The following CDK17 variants were observed in gnomAD, a reference collection of about 807,000 sequenced individuals.
The protein encoded by CDK17 is cyclin dependent kinase 17, also known as cyclin-dependent kinase 17.
Under a neutral mutation model 77.6 loss-of-function variants are expected in CDK17, and 24 were observed. That is an observed-to-expected ratio of 0.31 (90% CI 0.22 to 0.44). CDK17 has a LOEUF of 0.44. Ranked by LOEUF, CDK17 falls within the 20% of genes least tolerant of loss-of-function variation. CDK17 has a pLI of 1.00. For synonymous variants in CDK17, 203 were observed against 210.4 expected, an observed-to-expected ratio of 0.96 and a Z score of 0.30; for missense variants, 429 against 622.5, an observed-to-expected ratio of 0.69 and a Z score of 3.31.
At chr12:96,370,261 G>T (rs749024779) in intron 1 of CDK17, among the ~76,000 whole-genome samples, 1 of 152,138 alleles carries the variant, frequency 6.6e-6, no homozygotes, top group African/African-American at 2.4e-5. Flanking sequence ...GGTTCACACC[G>T]AAGTCTTATG....
At chr12:96,365,702 C>T (rs1953573543) in intron 1 of CDK17, among the ~76,000 whole-genome samples, 1 of 152,108 alleles carries the variant, frequency 6.6e-6, no homozygotes. Flanking sequence ...AAATTATTTC[C>T]TAATGAGGTC....
intron 1 of CDK17, among the ~76,000 whole-genome samples, chr12:96,380,872 A>G (rs924165367): frequency 2.6e-5 from 4 of 152,226 alleles, no homozygotes; most frequent in African/African-American, 9.6e-5. Context: ...CTGGTAGAGA[A>G]TAACATTTTT....
At chr12:96,301,874 G>A (rs1360942888) in intron 5 of CDK17, among the ~76,000 whole-genome samples, 1 of 152,012 alleles carries the variant, frequency 6.6e-6, no homozygotes, top group Admixed American at 6.5e-5. Context: ...AGTAGCAGAG[G>A]CCCCTCAAAA....
chr12:96,317,828 C>T (rs879903537), intron 3 of CDK17, among the ~76,000 whole-genome samples: 176 of 150,102 alleles, frequency 1.2e-3, no homozygotes, highest in Non-Finnish European at 2.2e-3. Context: ...CAACTGGTAC[C>T]AGCCGCTGCA....
intron 1 of CDK17, among the ~76,000 whole-genome samples, chr12:96,360,146 T>C (rs1167274237): frequency 6.6e-6 from 1 of 152,164 alleles, no homozygotes; most frequent in Non-Finnish European, 1.5e-5. Flanking sequence ...GAGGAAAGCA[T>C]ACTGCAATCA....
intron 15 of CDK17, 51 bp downstream of exon 15, chr12:96,282,458 C>T (rs1952189898): frequency 2.4e-6 from 3 of 1,249,636 alleles, no homozygotes; most frequent in Non-Finnish European, 3.5e-6. Flanking sequence ...CAGACCCTAA[C>T]CTTGGACAAA....
chr12:96,311,174 A>C lies in CDK17; in HGVS notation c.421T>G (p.Leu141Val). 1 of 1,529,712 alleles carries C rather than the reference A, an allele frequency of 6.5e-7. No homozygotes were observed. Among genetic ancestry groups the C allele is most frequent in the Non-Finnish European group, 8.7e-7 (1 of 1,151,588 alleles). The allele number at this position is 1,529,712 out of a possible 1,614,324, so 94.8% of individuals were successfully genotyped here. ...GCAGGCAGTGATAACCGCTTATTTAAATCCTTAAAAAAAAAAAAAGGTAAT... is the reference window on the plus strand; with the variant it reads ...GCAGGCAGTGATAACCGCTTATTTACATCCTTAAAAAAAAAAAAAGGTAAT... ...RIHRRISMED[L>V]NKRLSLPADI... Residue 141 changes from leucine to valine, a missense_variant, in exon 5 of 17, where the codon TTA becomes GTA. This residue lies in a region of CDK17 where 262 missense variants were observed against 385.4 expected (regional missense o/e 0.68). Transcript: ENST00000261211.
chr12:96,350,865 T>C (rs1288247023), intron 1 of CDK17, among the ~76,000 whole-genome samples: 1 of 151,884 alleles, frequency 6.6e-6, no homozygotes, highest in Admixed American at 6.6e-5. Flanking sequence ...AAAACAGACA[T>C]ATTGGACTTT....
chr12:96,280,695 C>A, intron 16 of CDK17, 113 bp downstream of exon 16: 1 of 1,503,076 alleles, frequency 6.7e-7, no homozygotes, highest in Admixed American at 2.2e-5. Flanking sequence ...TTGTGGAATG[C>A]ACTGTACATT....
In CDK17 at chr12:96,334,802, A is replaced by T; in HGVS notation, c.35T>A (p.Leu12His). Reference sequence around the variant, plus strand: ...TTCATCAATAGTCTGACTTCCTCGGAGTGTGAGGGATAGCCTTCTCTTAAA... The same window carrying T: ...TTCATCAATAGTCTGACTTCCTCGGTGTGTGAGGGATAGCCTTCTCTTAAA... ...KKFKRRLSLTLRGSQTIDESL... is the reference protein window; with the variant it reads ...KKFKRRLSLTHRGSQTIDESL... Residue 12 changes from leucine to histidine, a missense_variant, in exon 2 of 17, where the codon CTC becomes CAC. By Grantham distance (99) the Leu-to-His change is moderately conservative (BLOSUM62 -3). Around this residue, in one of 4 missense-constraint regions of CDK17, gnomAD observed 262 missense variants for 385.4 expected, o/e 0.68. Coordinates refer to ENST00000261211, the MANE Select transcript of CDK17 (RefSeq NM_002595.5). The T allele has an allele frequency of 6.2e-7, 1 of 1,608,990 alleles. No homozygotes were observed. The highest frequency in any genetic ancestry group is 1.3e-5 in the African/African-American group (1 of 74,926).
In CDK17 at chr12:96,316,615, G is replaced by A. The variant is rs111557868; in HGVS notation, c.284-3161C>T. Among the ~76,000 whole-genome samples the A allele has an allele frequency of 3.2e-4, 43 of 136,150 alleles. 1 individual carries two copies. Among genetic ancestry groups the A allele is most frequent in the Non-Finnish European group, 5.1e-4 (32 of 62,650 alleles). 89.3% of individuals were successfully genotyped at this position (136,150 alleles called of 152,430 possible). A position where few individuals can be genotyped will look rare whatever the true frequency, so the allele number is the denominator to read the frequency against. On this transcript the variant is annotated intron_variant, in intron 3 of 16. Transcript: ENST00000261211. ...AGCACGCAGCTGGAGATCTGAGAAC[G>A]GGCAGACTGCCTCCTCAAGTGGGTC...
chr12:96,322,173 T>A (rs1443655943), intron 3 of CDK17, among the ~76,000 whole-genome samples: 4 of 152,138 alleles, frequency 2.6e-5, no homozygotes, highest in African/African-American at 7.2e-5. Context: ...GAAACAATGA[T>A]GGCTTGTCAG....
At chr12:96,333,291 C>T (rs1952997046) in intron 2 of CDK17, among the ~76,000 whole-genome samples, 1 of 151,962 alleles carries the variant, frequency 6.6e-6, no homozygotes, top group African/African-American at 2.4e-5. Flanking sequence ...TACAATTTTC[C>T]CCTCCTACAT....
At chr12:96,291,121 C>CTA (rs1952318300) in intron 10 of CDK17, among the ~76,000 whole-genome samples, 44 of 38,268 alleles carry the variant, frequency 1.1e-3, no homozygotes, top group African/African-American at 3.3e-3. Flanking sequence ...TACTATGCAA[C>CTA]CAAAAAAAAA....
intron 1 of CDK17, among the ~76,000 whole-genome samples, chr12:96,361,732 G>A (rs988646775): frequency 2.0e-5 from 3 of 151,944 alleles, no homozygotes; most frequent in African/African-American, 2.4e-5. Context: ...CTTACAAAAC[G>A]GAATCAAGAC....
chr12:96,391,709 A>G (rs1488642146), intron 1 of CDK17, among the ~76,000 whole-genome samples: 2 of 152,180 alleles, frequency 1.3e-5, no homozygotes, highest in African/African-American at 4.8e-5. Flanking sequence ...CATTTTGTCT[A>G]AAAGACAACA....
At chr12:96,347,336 G>T (rs1416955778) in intron 1 of CDK17, among the ~76,000 whole-genome samples, 1 of 151,696 alleles carries the variant, frequency 6.6e-6, no homozygotes, top group Non-Finnish European at 1.5e-5. Flanking sequence ...GGCAGAGGCG[G>T]GCAGATCACC....
At chr12:96,358,355 C>T (rs541334528) in intron 1 of CDK17, among the ~76,000 whole-genome samples, 2 of 108,856 alleles carry the variant, frequency 1.8e-5, no homozygotes, top group South Asian at 3.1e-4. Flanking sequence ...AAGCCCAGAA[C>T]TCTGTGCAAA....
At chr12:96,303,215 G>A (rs1952531972) in intron 5 of CDK17, 1 of 152,118 alleles carries the variant, frequency 6.6e-6, no homozygotes, top group Non-Finnish European at 1.5e-5. Context: ...AATGTTAGGT[G>A]CTAGAGAAGA....
Sources: allele counts gnomAD v4.1 joint callset (sites outside exome capture counted in the v4.1 genomes callset), GRCh38; gene constraint gnomAD v4.1.1; regional missense constraint gnomAD v4.1.1; transcripts MANE v1.5; gene names NCBI Gene and HGNC (gene_info 2026-07-23, HGNC 2026-07-21).